The following RAB11FIP1 variants were observed in gnomAD, a reference collection of about 807,000 sequenced individuals.
RAB11FIP1 encodes rab11 family-interacting protein 1.
In RAB11FIP1, 49 loss-of-function variants were observed where a neutral mutation model predicts 83.1. That is an observed-to-expected ratio of 0.59 (90% confidence interval 0.47 to 0.75). The LOEUF is 0.75. RAB11FIP1 is among the 30% of genes least tolerant of loss of function. RAB11FIP1 has a pLI of 0.00. For synonymous variants in RAB11FIP1, 670 were observed against 656.0 expected, an observed-to-expected ratio of 1.02 and a Z score of -0.33; for missense variants, 1,536 against 1,598.7, an observed-to-expected ratio of 0.96 and a Z score of 0.67.
At position 37,872,654 on chromosome 8, in the gene RAB11FIP1, G is replaced by A. The variant is rs1252939775; in HGVS notation, c.2148C>T (p.Tyr716=). The part of the protein sequence containing the change: ...LPRFPCKKQD[Y]SPSSGEAQEV... ...CCTGGGCTTCTCCAGATGATGGGCTGTAGTCTTGTTTTTTGCAGGGGAATC... is the reference window on the plus strand; with the variant it reads ...CCTGGGCTTCTCCAGATGATGGGCTATAGTCTTGTTTTTTGCAGGGGAATC... Residue 716 remains tyrosine, a synonymous_variant, in exon 4 of 6, where the codon TAC becomes TAT. Coordinates refer to ENST00000330843, the MANE Select transcript of RAB11FIP1 (RefSeq NM_001002814.3). 1.9e-6 allele frequency: 3 copies of A among 1,614,208 alleles called. No individual in the cohort carries two copies. Among genetic ancestry groups the A allele is most frequent in the Admixed American group, 1.7e-5 (1 of 60,030 alleles).
chr8:37,895,232 T>C (rs1270648712), intron 1 of RAB11FIP1, among the ~76,000 whole-genome samples: 2 of 6,562 alleles, frequency 3.0e-4, no homozygotes, highest in East Asian at 4.7e-3. Context: ...TATATATATA[T>C]ATATATATAT....
At chr8:37,886,187 A>C (rs1305859886) in intron 1 of RAB11FIP1, among the ~76,000 whole-genome samples, 1 of 152,208 alleles carries the variant, frequency 6.6e-6, no homozygotes, top group Non-Finnish European at 1.5e-5. Context: ...CTTTCCCTGC[A>C]ATGGGATGGG....
rs1806202003 is a variant in RAB11FIP1 at position 37,859,839 on chromosome 8, C to T, written c.*3056G>A. ...GGTCCCAGCTCTTCTGAGACATAGG[C>T]CATTTGTAGGATTCTCCAGTGCTCC... On this transcript the variant is annotated 3_prime_UTR_variant, in exon 6 of 6. Transcript: ENST00000330843. The T allele has an allele frequency of 6.6e-6, 1 of 152,138 alleles. No homozygotes were observed. Among genetic ancestry groups the T allele is most frequent in the Non-Finnish European group, 1.5e-5 (1 of 68,052 alleles). 9.4% of individuals were successfully genotyped at this position (152,138 alleles called of 1,614,324 possible). A position where few individuals can be genotyped will look rare whatever the true frequency, so the allele number is the denominator to read the frequency against.
rs1448218835 is a variant in RAB11FIP1 at position 37,861,578 on chromosome 8, C to T, written c.*1317G>A. The T allele has an allele frequency of 2.3e-6, 1 of 444,442 alleles. No individual in the cohort carries two copies. The highest frequency in any genetic ancestry group is 2.1e-5 in the African/African-American group (1 of 48,596). 27.5% of individuals were successfully genotyped at this position (444,442 alleles called of 1,614,324 possible). A position where few individuals can be genotyped will look rare whatever the true frequency, so the allele number is the denominator to read the frequency against. On this transcript the variant is annotated 3_prime_UTR_variant, in exon 6 of 6. Transcript: ENST00000330843. ...TTTTTAGTTTTTTTTAAGACAGAGT[C>T]TTAAAAAAATTGCCCAGGCTCTTTT...
chr8:37,898,149 T>G (rs1305337542), intron 1 of RAB11FIP1, among the ~76,000 whole-genome samples: 4 of 152,224 alleles, frequency 2.6e-5, no homozygotes, highest in Non-Finnish European at 1.5e-5. Context: ...CCACGTATAG[T>G]TGGAATTCAT....
intron 1 of RAB11FIP1, among the ~76,000 whole-genome samples, chr8:37,881,846 T>C (rs935020279): frequency 6.6e-6 from 1 of 152,146 alleles, no homozygotes; most frequent in African/African-American, 2.4e-5. Context: ...GCCAGCCTAG[T>C]GTCTGTCCAA....
Position 37,877,277 on chromosome 8 carries a change from T to C in RAB11FIP1, c.646A>G (p.Lys216Glu). Reference sequence around the variant, plus strand: ...GACTTGGAAAGTAAGGTCTTGATCTTTGATTTCTTTTTCTTGTCTTTAACC... The same window carrying C: ...GACTTGGAAAGTAAGGTCTTGATCTCTGATTTCTTTTTCTTGTCTTTAACC... ...SVVKDKKKKSKIKTLLSKSNL... is the reference protein window; with the variant it reads ...SVVKDKKKKSEIKTLLSKSNL... The change falls in exon 2 of 6, where the codon AAG becomes GAG. Residue 216 changes from lysine to glutamate, a missense_variant. By Grantham distance (56) the Lys-to-Glu change is moderately conservative. Coordinates refer to ENST00000330843, the MANE Select transcript of RAB11FIP1 (RefSeq NM_001002814.3). 3.1e-6 allele frequency: 5 copies of C among 1,614,150 alleles called. No homozygotes were observed. Among genetic ancestry groups the C allele is most frequent in the Non-Finnish European group, 4.2e-6 (5 of 1,180,018 alleles).
intron 1 of RAB11FIP1, among the ~76,000 whole-genome samples, chr8:37,896,970 C>A (rs1807101605): frequency 6.6e-6 from 1 of 152,170 alleles, no homozygotes; most frequent in Non-Finnish European, 1.5e-5. Flanking sequence ...AGTGAATACA[C>A]ACATGTTGGG....
At chr8:37,886,261 A>T (rs745542297) in intron 1 of RAB11FIP1, among the ~76,000 whole-genome samples, 8 of 152,218 alleles carry the variant, frequency 5.3e-5, no homozygotes, top group Non-Finnish European at 1.2e-4. Context: ...CAACTTTCTA[A>T]CTTTCAGGCA....
intron 4 of RAB11FIP1, 109 bp downstream of exon 4, chr8:37,871,169 G>A: frequency 7.1e-7 from 1 of 1,401,462 alleles, no homozygotes; most frequent in Non-Finnish European, 9.5e-7. Flanking sequence ...AGTGACAGGT[G>A]GGTTGTCACA....
rs1806574546 is a variant in RAB11FIP1, at chr8:37,874,941, C to T, written c.1196G>A (p.Arg399Gln). The change falls in exon 3 of 6, where the codon CGA becomes CAA. Residue 399 changes from arginine to glutamine, a missense_variant. Physicochemically the swap from Arg to Gln is conservative, Grantham distance 43. Transcript: ENST00000330843. Reference sequence around the variant, plus strand: ...GTCCCCACTGACCAGTGGGGCAGGTCGGTAGGACGGCAGGGTCATAGACTT... The same window carrying T: ...GTCCCCACTGACCAGTGGGGCAGGTTGGTAGGACGGCAGGGTCATAGACTT... ...SLKSMTLPSY[R>Q]PAPLVSGDLR... 9 of 1,613,966 alleles carry T rather than the reference C, an allele frequency of 5.6e-6. No individual in the cohort carries two copies. The highest frequency in any genetic ancestry group is 1.6e-4 in the Middle Eastern group (1 of 6,084).
chr8:37,898,850 T>C, intron 1 of RAB11FIP1, among the ~76,000 whole-genome samples: 1 of 145,372 alleles, frequency 6.9e-6, no homozygotes, highest in African/African-American at 2.5e-5. Flanking sequence ...GCGCCCCAGA[T>C]ACGGCCCCTT....
At chr8:37,878,627 C>CAAGTAAGA (rs1806670488) in intron 1 of RAB11FIP1, among the ~76,000 whole-genome samples, 1 of 141,758 alleles carries the variant, frequency 7.1e-6, no homozygotes, top group African/African-American at 2.6e-5. Flanking sequence ...CAGAGAAAAT[C>CAAGTAAGA]AAGTTTGTAG....
chr8:37,873,349 A>G, intron 3 of RAB11FIP1, 170 bp from the exon 4 acceptor site: 2 of 673,444 alleles, frequency 3.0e-6, no homozygotes, highest in East Asian at 5.8e-5. Context: ...TCACGCCTGT[A>G]ATCCCAGCAC....
At position 37,871,657 on chromosome 8, in the gene RAB11FIP1, A is replaced by T; in HGVS notation, c.3145T>A (p.Phe1049Ile). 6.2e-7 allele frequency: 1 copy of T among 1,612,302 alleles called. No homozygotes were observed. Among genetic ancestry groups the T allele is most frequent in the Non-Finnish European group, 8.5e-7 (1 of 1,178,780 alleles). The change falls in exon 4 of 6, where the codon TTC (phenylalanine) becomes ATC (isoleucine). Residue 1049 changes from phenylalanine to isoleucine, a missense_variant. Physicochemically the swap from Phe to Ile is conservative, Grantham distance 21. Transcript: ENST00000330843. The stretch of plus-strand genomic sequence containing the variant: ...CCAAGATGTGGTTTGTGAATTCCGA[A>T]CTCTGTGGTCTGCTCTGAAGGAGCT... ...VTAPSEQTTE[F>I]GIHKPHLGKS...
chr8:37,872,603 G>C lies in RAB11FIP1; in HGVS notation c.2199C>G (p.Ser733Arg), dbSNP rs772069684. 1 of 1,614,182 alleles carries C rather than the reference G, an allele frequency of 6.2e-7. No individual in the cohort carries two copies. Reference sequence around the variant, plus strand: ...CAACAGGGCTCACAGCTCCATCACTGCTGAGTGAAAGGGCAAACGGTACTT... The same window carrying C: ...CAACAGGGCTCACAGCTCCATCACTCCTGAGTGAAAGGGCAAACGGTACTT... ...AQEVPFALSL[S>R]SDGAVSPVGE... is the part of the protein sequence containing the mutation. The change falls in exon 4 of 6, where the codon AGC (serine) becomes AGG (arginine). Residue 733 changes from serine to arginine, a missense_variant. Transcript: ENST00000330843.
chr8:37,866,842 C>A (rs1806350791), intron 5 of RAB11FIP1, among the ~76,000 whole-genome samples: 1 of 152,130 alleles, frequency 6.6e-6, no homozygotes, highest in Non-Finnish European at 1.5e-5. Flanking sequence ...ACGTGGCAGG[C>A]CAATAGCAGA....
In RAB11FIP1 at chr8:37,862,846, A is replaced by G; in HGVS notation, c.*49T>C. 6.8e-7 allele frequency: 1 copy of G among 1,465,628 alleles called. No individual in the cohort carries two copies. The highest frequency in any genetic ancestry group is 1.2e-5 in the South Asian group (1 of 82,832). The allele number at this position is 1,465,628 out of a possible 1,614,324, so 90.8% of individuals were successfully genotyped here. ...AAGGCAAGTCCTTGACCCCTGGAGC[A>G]GGTGAAAGTGAAGTCACAGAAACGT... On this transcript the variant is annotated 3_prime_UTR_variant, in exon 6 of 6. Coordinates refer to ENST00000330843, the MANE Select transcript of RAB11FIP1 (RefSeq NM_001002814.3).
intron 1 of RAB11FIP1, among the ~76,000 whole-genome samples, chr8:37,898,325 A>C (rs1807134639): frequency 6.6e-6 from 1 of 151,234 alleles, no homozygotes; most frequent in African/African-American, 2.4e-5. Flanking sequence ...AGCCTGGCCA[A>C]CACGGTGAAA....
Sources: allele counts gnomAD v4.1 joint callset (sites outside exome capture counted in the v4.1 genomes callset), GRCh38; gene constraint gnomAD v4.1.1; transcripts MANE v1.5; gene names NCBI Gene and HGNC (gene_info 2026-07-23, HGNC 2026-07-21).